The following TIAM2 variants were observed in gnomAD, a reference collection of about 807,000 sequenced individuals.
The protein encoded by TIAM2 is rho guanine nucleotide exchange factor TIAM2.
In TIAM2, 80 loss-of-function variants were observed where a neutral mutation model predicts 152.9. The observed-to-expected ratio is 0.52, with a 90% confidence interval of 0.44 to 0.63. The LOEUF is 0.63. TIAM2 is among the 30% of genes least tolerant of loss of function. The pLI is 0.00. For missense variants in TIAM2, 1,965 were observed against 2,120.1 expected (o/e 0.93, Z 1.44); for synonymous variants, 804 against 838.0 (o/e 0.96, Z 0.70).
intron 1 of TIAM2, among the ~76,000 whole-genome samples, chr6:155,031,825 TATTA>T (rs1330566413): frequency 9.2e-5 from 14 of 152,294 alleles, no homozygotes; most frequent in Admixed American, 3.3e-4. Flanking sequence ...AAACATAACA[TATTA>T]ATTTGAATTA....
intron 9 of TIAM2, among the ~76,000 whole-genome samples, chr6:155,171,289 A>G (rs1393149574): frequency 6.6e-6 from 1 of 152,242 alleles, no homozygotes; most frequent in Non-Finnish European, 1.5e-5. Context: ...TGGCTTGCCA[A>G]AAATGAAAGC....
chr6:155,207,412 G>A (rs1242403579), intron 14 of TIAM2, among the ~76,000 whole-genome samples: 1 of 152,240 alleles, frequency 6.6e-6, no homozygotes, highest in African/African-American at 2.4e-5. Context: ...GCTCCGTCAT[G>A]TCCAGGACAG....
At chr6:155,191,664 C>A (rs1475730730) in intron 14 of TIAM2, among the ~76,000 whole-genome samples, 2 of 152,032 alleles carry the variant, frequency 1.3e-5, no homozygotes, top group Non-Finnish European at 2.9e-5. Flanking sequence ...TTGTGGCGCA[C>A]ACCTGTAGTT....
rs1425023837 is a variant in TIAM2, at chr6:155,127,532, G to C, written c.-75G>C. 1 of 455,790 alleles carries C rather than the reference G, an allele frequency of 2.2e-6. No individual in the cohort carries two copies. The highest frequency in any genetic ancestry group is 4.4e-6 in the Non-Finnish European group (1 of 226,756). 28.2% of individuals were successfully genotyped at this position (455,790 alleles called of 1,614,324 possible). A position where few individuals can be genotyped will look rare whatever the true frequency, so the allele number is the denominator to read the frequency against. The stretch of plus-strand genomic sequence containing the variant: ...ACTTTGCGTGCTTGTTAAATGTGCT[G>C]TGTTGCTCCCAAGACCATGTAAAGC... On this transcript the variant is annotated 5_prime_UTR_variant, in exon 3 of 27. Coordinates refer to ENST00000682666, the MANE Select transcript of TIAM2 (RefSeq NM_012454.4).
chr6:155,234,190 T>G (rs1462730501), intron 15 of TIAM2, among the ~76,000 whole-genome samples: 3 of 152,232 alleles, frequency 2.0e-5, no homozygotes, highest in African/African-American at 7.2e-5. Context: ...AAAACCAATC[T>G]GAGGCCCCCA....
intron 1 of TIAM2, among the ~76,000 whole-genome samples, chr6:155,060,878 AG>A (rs1777564132): frequency 6.6e-6 from 1 of 152,220 alleles, no homozygotes; most frequent in Non-Finnish European, 1.5e-5. Flanking sequence ...ATGGGCGACA[AG>A]AGCAAAACTG....
intron 26 of TIAM2, chr6:155,255,236 C>T (rs557609513): frequency 1.3e-5 from 2 of 152,326 alleles, no homozygotes; most frequent in East Asian, 1.9e-4. Flanking sequence ...TCCATATTAT[C>T]AACTTAACAA....
At chr6:155,187,417 A>T (rs1419903850) in intron 14 of TIAM2, among the ~76,000 whole-genome samples, 1 of 151,890 alleles carries the variant, frequency 6.6e-6, no homozygotes, top group Admixed American at 6.6e-5. Context: ...ACATTCATTG[A>T]TACTAATAAT....
chr6:155,172,631 G>C (rs1328984080), intron 9 of TIAM2, among the ~76,000 whole-genome samples: 2 of 103,850 alleles, frequency 1.9e-5, no homozygotes, highest in Admixed American at 2.5e-4. Context: ...CCTTGAAGAG[G>C]CTAGTTGGAA....
At chr6:155,062,555 T>C (rs1425796953) in intron 1 of TIAM2, among the ~76,000 whole-genome samples, 3 of 151,306 alleles carry the variant, frequency 2.0e-5, no homozygotes, top group South Asian at 2.1e-4. Context: ...TATCTCCTAG[T>C]GGTTTCTTTT....
At chr6:155,160,392 A>C (rs1780238413) in intron 7 of TIAM2, among the ~76,000 whole-genome samples, 1 of 152,126 alleles carries the variant, frequency 6.6e-6, no homozygotes, top group Non-Finnish European at 1.5e-5. Flanking sequence ...CACATTAGGG[A>C]AGGCAATCCG....
intron 8 of TIAM2, 29 bp from the exon 9 acceptor site, chr6:155,165,234 G>T: frequency 6.3e-7 from 1 of 1,586,760 alleles, no homozygotes; most frequent in Non-Finnish European, 8.6e-7. Context: ...TAAGCCTTTA[G>T]ATTTTTTTTA....
intron 1 of TIAM2, among the ~76,000 whole-genome samples, chr6:155,054,548 T>G (rs1262148078): frequency 6.6e-6 from 1 of 151,330 alleles, no homozygotes; most frequent in East Asian, 1.9e-4. Context: ...GAGGGATTTC[T>G]ATTCTGTAGA....
At chr6:155,199,827 A>G (rs1180570776) in intron 14 of TIAM2, among the ~76,000 whole-genome samples, 2 of 152,216 alleles carry the variant, frequency 1.3e-5, no homozygotes, top group African/African-American at 2.4e-5. Context: ...GGCTGTCTCA[A>G]TATAAAGTTC....
intron 1 of TIAM2, among the ~76,000 whole-genome samples, chr6:155,039,902 G>C (rs1776989152): frequency 6.6e-6 from 1 of 152,188 alleles, no homozygotes; most frequent in Admixed American, 6.5e-5. Flanking sequence ...TAGCTAGGAA[G>C]CGCCTAGGCA....
chr6:155,170,526 G>A (rs555143951), intron 9 of TIAM2, among the ~76,000 whole-genome samples: 3 of 152,148 alleles, frequency 2.0e-5, no homozygotes, highest in Non-Finnish European at 4.4e-5. Context: ...GCTTGAGCCT[G>A]GGAGGCAGAG....
intron 15 of TIAM2, chr6:155,216,490 T>C (rs78107229): frequency 0.025 from 3,846 of 152,418 alleles, 68 homozygotes; most frequent in Non-Finnish European, 0.038. Context: ...TCCTAATTGA[T>C]TGGCTTCTTC....
At chr6:155,044,460 G>C (rs1257565413) in intron 1 of TIAM2, among the ~76,000 whole-genome samples, 1 of 152,166 alleles carries the variant, frequency 6.6e-6, no homozygotes, top group Non-Finnish European at 1.5e-5. Flanking sequence ...GTCAGCTGGG[G>C]AAACTTTCTT....
intron 1 of TIAM2, among the ~76,000 whole-genome samples, chr6:155,058,534 A>G (rs1777501509): frequency 6.6e-6 from 1 of 152,242 alleles, no homozygotes; most frequent in Admixed American, 6.5e-5. Flanking sequence ...GAAGAGTAAC[A>G]GTCATTATCG....
Sources: gnomAD v4.1 joint callset for allele counts (sites outside exome capture counted in the v4.1 genomes callset) on GRCh38, gnomAD v4.1.1 for gene constraint, MANE v1.5 for transcripts, NCBI Gene and HGNC (gene_info 2026-07-23, HGNC 2026-07-21) for gene names.